Variants in CALN1 observed in about 807,000 individuals in gnomAD.
The protein encoded by CALN1 is calneuron 1, also known as calcium-binding protein 8.
CALN1 carries 17 observed loss-of-function variants against 30.6 expected under a neutral mutation model. The ratio of observed to expected loss-of-function variants is 0.56; its 90% CI spans 0.38 to 0.83. CALN1 has a LOEUF of 0.83. Ranked by LOEUF, CALN1 falls within the 40% of genes least tolerant of loss-of-function variation. The pLI, the probability that CALN1 is intolerant of heterozygous loss-of-function variation, is 0.00. For missense variants in CALN1, 291 were observed against 354.9 expected (o/e 0.82, Z 1.45); for synonymous variants, 156 against 131.4 (o/e 1.19, Z -1.28).
intron 4 of CALN1, among the ~76,000 whole-genome samples, chr7:72,065,516 C>G (rs1204632336): frequency 6.6e-6 from 1 of 152,112 alleles, no homozygotes; most frequent in Non-Finnish European, 1.5e-5. Context: ...CATATCTTCA[C>G]CTATTCTTCT....
intron 4 of CALN1, among the ~76,000 whole-genome samples, chr7:72,044,310 T>C (rs1802323043): frequency 2.0e-5 from 3 of 152,120 alleles, no homozygotes; most frequent in Admixed American, 2.0e-4. Context: ...TTCTCATCTA[T>C]GTGGTAGGTT....
chr7:72,203,979 CTTTTTTTTTTTT>C (rs869149598), intron 3 of CALN1, among the ~76,000 whole-genome samples: 10 of 83,802 alleles, frequency 1.2e-4, no homozygotes, highest in South Asian at 4.7e-4. Context: ...AGGCCTCTCT[CTTTTTTTTTTTT>C]TTTTTTTTTT....
intron 3 of CALN1, among the ~76,000 whole-genome samples, chr7:72,143,401 G>T (rs2129543618): frequency 6.6e-6 from 1 of 152,298 alleles, no homozygotes; most frequent in Admixed American, 6.5e-5. Flanking sequence ...TGAATGAAAT[G>T]AAGCTAGAAG....
chr7:72,306,548 C>G (rs1034383974), intron 2 of CALN1, among the ~76,000 whole-genome samples: 2 of 151,356 alleles, frequency 1.3e-5, no homozygotes, highest in East Asian at 3.9e-4. Flanking sequence ...CCCACCTGGC[C>G]TTCCAATCTG....
chr7:72,256,546 G>A (rs926499541), intron 3 of CALN1, among the ~76,000 whole-genome samples: 1 of 152,042 alleles, frequency 6.6e-6, no homozygotes, highest in South Asian at 2.1e-4. Context: ...GATAAGACTT[G>A]GTTTTTCCCT....
At chr7:71,960,684 G>C (rs1051267729) in intron 5 of CALN1, among the ~76,000 whole-genome samples, 1 of 152,144 alleles carries the variant, frequency 6.6e-6, no homozygotes, top group Non-Finnish European at 1.5e-5. Flanking sequence ...TCCTGGTAGT[G>C]GGATTGCTGG....
the CALN1 span, among the ~76,000 whole-genome samples, chr7:72,501,928 A>AAATATAT: frequency 6.0e-4 from 35 of 57,942 alleles, 3 homozygotes; most frequent in African/African-American, 3.3e-3. Flanking sequence ...AAAAAAAAAA[A>AAATATAT]ATATATATAT....
intron 3 of CALN1, among the ~76,000 whole-genome samples, chr7:72,268,206 T>C (rs138764825): frequency 6.6e-6 from 1 of 152,092 alleles, no homozygotes; most frequent in African/African-American, 2.4e-5. Flanking sequence ...AATGAATAGG[T>C]AGGGATTTCC....
intron 4 of CALN1, among the ~76,000 whole-genome samples, chr7:72,074,509 G>A (rs1804605066): frequency 6.6e-6 from 1 of 152,178 alleles, no homozygotes; most frequent in South Asian, 2.1e-4. Flanking sequence ...CCACGTTCAA[G>A]CGATTCTCCT....
intron 5 of CALN1, among the ~76,000 whole-genome samples, chr7:72,010,152 T>C (rs1255751171): frequency 6.6e-6 from 1 of 152,170 alleles, no homozygotes; most frequent in African/African-American, 2.4e-5. Flanking sequence ...AAAATTCATA[T>C]ACTGAAATCC....
chr7:72,488,991 G>A, the CALN1 span, among the ~76,000 whole-genome samples: 5 of 152,082 alleles, frequency 3.3e-5, no homozygotes, highest in South Asian at 2.1e-4. Context: ...ACTCCTTATC[G>A]ACCATGAGAC....
At chr7:72,305,121 T>G (rs528759274) in intron 2 of CALN1, among the ~76,000 whole-genome samples, 1 of 152,296 alleles carries the variant, frequency 6.6e-6, no homozygotes, top group African/African-American at 2.4e-5. Context: ...TGTTAACAGC[T>G]GGCTGTGTCA....
At chr7:72,116,311 T>G (rs1807980720) in intron 3 of CALN1, among the ~76,000 whole-genome samples, 1 of 152,168 alleles carries the variant, frequency 6.6e-6, no homozygotes, top group Admixed American at 6.5e-5. Flanking sequence ...TTCAAGGACT[T>G]AAATGAGACT....
chr7:72,266,222 A>G (rs1315210805), intron 3 of CALN1, among the ~76,000 whole-genome samples: 2 of 152,146 alleles, frequency 1.3e-5, no homozygotes, highest in Non-Finnish European at 2.9e-5. Flanking sequence ...CTCATTGAAA[A>G]TCACCATCAT....
At chr7:72,203,681 C>A (rs2677285) in intron 3 of CALN1, among the ~76,000 whole-genome samples, 5 of 152,220 alleles carry the variant, frequency 3.3e-5, no homozygotes, top group Non-Finnish European at 5.9e-5. Context: ...ATTATGTACA[C>A]TGCTGGATGC....
intron 5 of CALN1, among the ~76,000 whole-genome samples, chr7:71,985,525 A>G (rs1562956796): frequency 6.6e-6 from 1 of 152,022 alleles, no homozygotes; most frequent in Non-Finnish European, 1.5e-5. Flanking sequence ...TAATGGAACT[A>G]AAGATATGTA....
intron 5 of CALN1, among the ~76,000 whole-genome samples, chr7:72,013,836 TTTTATC>T (rs1414141094): frequency 2.6e-5 from 4 of 151,992 alleles, no homozygotes; most frequent in African/African-American, 9.7e-5. Context: ...TTATATAATA[TTTTATC>T]TTTATAATTG....
intron 5 of CALN1, among the ~76,000 whole-genome samples, chr7:71,986,574 A>C (rs1315583712): frequency 3.3e-5 from 5 of 152,220 alleles, no homozygotes; most frequent in African/African-American, 1.2e-4. Context: ...TACTGTTTAC[A>C]CTACACACCT....
At chr7:72,290,079 T>TAAAAAAAAAAAAAAAAAA (rs60416266) in intron 2 of CALN1, among the ~76,000 whole-genome samples, 1 of 32,086 alleles carries the variant, frequency 3.1e-5, no homozygotes, top group Non-Finnish European at 5.5e-5. Flanking sequence ...GACCCTGTCT[T>TAAAAAAAAAAAAAAAAAA]AAAAAAAAAA....
Sources: gnomAD v4.1 joint callset for allele counts (sites outside exome capture counted in the v4.1 genomes callset) on GRCh38, gnomAD v4.1.1 for gene constraint, MANE v1.5 for transcripts, NCBI Gene and HGNC (gene_info 2026-07-23, HGNC 2026-07-21) for gene names.